Variants in PIAS1 observed in about 807,000 individuals in gnomAD.
PIAS1 encodes the protein E3 SUMO-protein ligase PIAS1.
In PIAS1, 6 loss-of-function variants were observed where a neutral mutation model predicts 71.3. That is an observed-to-expected ratio of 0.08 (90% CI 0.05 to 0.17). The LOEUF (loss-of-function observed/expected upper bound fraction) is 0.17. Ranked by LOEUF, PIAS1 falls within the 10% of genes least tolerant of loss-of-function variation. The pLI is 1.00. For missense variants in PIAS1, 555 were observed against 793.6 expected (o/e 0.70, Z 3.61); for synonymous variants, 303 against 292.9 (o/e 1.03, Z -0.35).
chr15:68,054,398 C>A lies in PIAS1; in HGVS notation c.24+48C>A, dbSNP rs754447861. ...TTCTAATATTCGGCCGCGGAGACGG[C>A]GCCGCTGCTGCCAGGGGGGATGGGT... On this transcript the variant is annotated intron_variant, in intron 1 of 13. Coordinates refer to ENST00000249636, the MANE Select transcript of PIAS1 (RefSeq NM_016166.3). This position sits in a 1 kb window ranked among gnomAD's most constrained non-coding sequence, Gnocchi z 4.6. 6.5e-7 allele frequency: 1 copy of A among 1,544,718 alleles called. No homozygotes were observed. The highest frequency in any genetic ancestry group is 8.8e-7 in the Non-Finnish European group (1 of 1,141,576).
chr15:68,100,928 C>A (rs2092418827), intron 2 of PIAS1, among the ~76,000 whole-genome samples: 1 of 149,466 alleles, frequency 6.7e-6, no homozygotes, highest in African/African-American at 2.5e-5. Context: ...TAAGGTCTCG[C>A]TCTGTCACCC....
chr15:68,156,027 G>T (rs922477850), intron 7 of PIAS1, among the ~76,000 whole-genome samples: 1 of 152,008 alleles, frequency 6.6e-6, no homozygotes, highest in Non-Finnish European at 1.5e-5. Context: ...GCTTTATTTT[G>T]TTCAGTGTCA....
At chr15:68,125,979 A>T (rs932335040) in intron 2 of PIAS1, among the ~76,000 whole-genome samples, 1 of 152,168 alleles carries the variant, frequency 6.6e-6, no homozygotes, top group African/African-American at 2.4e-5. Flanking sequence ...GATTACAGGC[A>T]TGAGCCACTG....
intron 11 of PIAS1, among the ~76,000 whole-genome samples, chr15:68,180,545 C>T (rs78444751): frequency 0.028 from 4,143 of 150,094 alleles, 179 homozygotes; most frequent in African/African-American, 0.094. Context: ...TTTCTTTTTC[C>T]AGTTATACTG....
rs1047194175 is a variant in PIAS1 at position 68,174,899 on chromosome 15, C to T, written c.1170-738C>T. 6.6e-6 allele frequency among the ~76,000 whole-genome samples: 1 copy of T among 152,124 alleles called. No homozygotes were observed. The highest frequency in any genetic ancestry group is 1.5e-5 in the Non-Finnish European group (1 of 68,028). On this transcript the variant is annotated intron_variant, in intron 9 of 13. Coordinates refer to ENST00000249636, the MANE Select transcript of PIAS1 (RefSeq NM_016166.3). This position sits in a 1 kb window ranked among gnomAD's most constrained non-coding sequence, Gnocchi z 4.0. ...TTAATTTTTCAGAAATGTCGGTGAT[C>T]ACTTACTAGTAAATCAGAATTAAAT...
At chr15:68,177,869 T>C (rs1330958066) in intron 11 of PIAS1, among the ~76,000 whole-genome samples, 1 of 152,196 alleles carries the variant, frequency 6.6e-6, no homozygotes, top group Admixed American at 6.5e-5. Flanking sequence ...AGCAGGAGAA[T>C]CACATGGCCT....
chr15:68,180,988 A>G (rs144632510), intron 11 of PIAS1, among the ~76,000 whole-genome samples: 121 of 152,306 alleles, frequency 7.9e-4, no homozygotes, highest in African/African-American at 2.8e-3. Flanking sequence ...GTTGGATACC[A>G]TTGCATCTGT....
intron 2 of PIAS1, among the ~76,000 whole-genome samples, chr15:68,126,906 A>G (rs1310340605): frequency 1.3e-5 from 2 of 150,452 alleles, no homozygotes; most frequent in Non-Finnish European, 1.5e-5. Context: ...TCGTGCTGGC[A>G]TGTCTGTTCA....
intron 1 of PIAS1, among the ~76,000 whole-genome samples, chr15:68,070,333 C>A (rs995410352): frequency 1.3e-5 from 2 of 152,124 alleles, no homozygotes; most frequent in Non-Finnish European, 2.9e-5. Flanking sequence ...GAATTGAATT[C>A]TTGAAATGAA....
intron 2 of PIAS1, among the ~76,000 whole-genome samples, chr15:68,098,510 C>G: frequency 6.6e-6 from 1 of 152,066 alleles, no homozygotes; most frequent in East Asian, 1.9e-4. Context: ...CTGTGTTGTT[C>G]AAGGGTCAAT....
chr15:68,077,045 A>C (rs2092174006), intron 1 of PIAS1, among the ~76,000 whole-genome samples: 1 of 152,206 alleles, frequency 6.6e-6, no homozygotes, highest in African/African-American at 2.4e-5. Flanking sequence ...TTAAATTAAA[A>C]AAATTGTATT....
Position 68,167,703 on chromosome 15 carries a change from T to TTTTTG in PIAS1, c.1008+2914_1008+2918dup, listed in dbSNP as rs896516091. 3.9e-5 allele frequency among the ~76,000 whole-genome samples: 6 copies of TTTTTG among 152,186 alleles called. No homozygotes were observed. Among genetic ancestry groups the TTTTTG allele is most frequent in the African/African-American group, 1.2e-4 (5 of 41,448 alleles). Reference sequence around the variant, plus strand: ...GTGAAAAAAACTTGTGAAATTATTCTTTTTGTTTTGTTTTGTTTTTGAGAC... The same window carrying TTTTTG: ...GTGAAAAAAACTTGTGAAATTATTCTTTTTGTTTTGTTTTGTTTTGTTTTTGAGAC... On this transcript the variant is annotated intron_variant, in intron 8 of 13. Coordinates refer to ENST00000249636, the MANE Select transcript of PIAS1 (RefSeq NM_016166.3). This position sits in a 1 kb window ranked among gnomAD's most constrained non-coding sequence, Gnocchi z 4.4.
rs1167796773 is a variant in PIAS1 at position 68,167,238 on chromosome 15, T to TA, written c.1008+2435dup. Among the ~76,000 whole-genome samples the TA allele has an allele frequency of 6.6e-6, 1 of 152,112 alleles. No individual in the cohort carries two copies. Among genetic ancestry groups the TA allele is most frequent in the Non-Finnish European group, 1.5e-5 (1 of 68,014 alleles). On this transcript the variant is annotated intron_variant, in intron 8 of 13. Transcript: ENST00000249636. This position sits in a 1 kb window ranked among gnomAD's most constrained non-coding sequence, Gnocchi z 4.4. ...GTATGTGTAAAATGTATAATTATAA[T>TA]ACTTTCATGGGTTTCTATTTGGCTA...
At chr15:68,183,795 T>A in intron 13 of PIAS1, 128 bp downstream of exon 13, 1 of 542,468 alleles carries the variant, frequency 1.8e-6, no homozygotes, top group South Asian at 2.1e-5. Flanking sequence ...AGCTGAAAAA[T>A]CCCTACATCA....
chr15:68,055,496 A>G (rs2091885605), intron 1 of PIAS1, among the ~76,000 whole-genome samples: 1 of 151,772 alleles, frequency 6.6e-6, no homozygotes, highest in Non-Finnish European at 1.5e-5. Flanking sequence ...CAGTTGGGGG[A>G]GGGGGTGGTG....
In PIAS1 at chr15:68,173,147, C is replaced by A. The variant is rs1180942853; in HGVS notation, c.1009-585C>A. On this transcript the variant is annotated intron_variant, in intron 8 of 13. Coordinates refer to ENST00000249636, the MANE Select transcript of PIAS1 (RefSeq NM_016166.3). This position sits in a 1 kb window ranked among gnomAD's most constrained non-coding sequence, Gnocchi z 4.3. ...TAGGGCATTCTTTATTTTCCCTAAT[C>A]CCTAGTAAGGTGGTTCTTAAATTTT... Among the ~76,000 whole-genome samples the A allele has an allele frequency of 1.3e-5, 2 of 152,164 alleles. No individual in the cohort carries two copies. Among genetic ancestry groups the A allele is most frequent in the Non-Finnish European group, 2.9e-5 (2 of 68,020 alleles).
At chr15:68,059,998 TTA>T (rs1357734347) in intron 1 of PIAS1, among the ~76,000 whole-genome samples, 1 of 152,184 alleles carries the variant, frequency 6.6e-6, no homozygotes, top group African/African-American at 2.4e-5. Context: ...CCTTTATTGT[TTA>T]TGTTTCTGTA....
chr15:68,088,176 G>GTGTATATATATATATATATATAGA (rs150997979), intron 2 of PIAS1, among the ~76,000 whole-genome samples: 1 of 73,008 alleles, frequency 1.4e-5, no homozygotes, highest in African/African-American at 6.2e-5. Flanking sequence ...TTATGTGTGT[G>GTGTATATATATATATATATATAGA]TATATATATA....
chr15:68,187,849 C>G lies in PIAS1; in HGVS notation c.*14C>G. 6.2e-7 allele frequency: 1 copy of G among 1,606,142 alleles called. No individual in the cohort carries two copies. ...TCATTGGACTGATTCCCAGGCCCTG[C>G]TGCTCCCATCCCCACCCCAGATCGA... On this transcript the variant is annotated 3_prime_UTR_variant, in exon 14 of 14. Coordinates refer to ENST00000249636, the MANE Select transcript of PIAS1 (RefSeq NM_016166.3). The surrounding 1 kb of genome is among the most constrained non-coding windows in gnomAD (Gnocchi z 5.3).
Sources: allele counts gnomAD v4.1 joint callset (sites outside exome capture counted in the v4.1 genomes callset), GRCh38; gene constraint gnomAD v4.1.1; non-coding constraint Gnocchi (gnomAD v3.1); transcripts MANE v1.5; gene names NCBI Gene and HGNC (gene_info 2026-07-23, HGNC 2026-07-21).